The following RAB38 variants were observed in gnomAD, a reference collection of about 807,000 sequenced individuals.
RAB38 encodes the protein RAB38, member RAS oncogene family, also known as ras-related protein Rab-38.
In RAB38, 15 loss-of-function variants were observed where a neutral mutation model predicts 18.4. The observed-to-expected ratio is 0.82, with a 90% confidence interval of 0.55 to 1.26. The LOEUF (loss-of-function observed/expected upper bound fraction) is 1.26, where lower values mean the gene tolerates loss of function less well. Ranked by LOEUF, RAB38 falls within the 50% of genes most tolerant of loss-of-function variation. The pLI is 0.00. For synonymous variants in RAB38, 101 were observed against 104.4 expected (o/e 0.97, Z 0.20); for missense variants, 294 against 267.4 (o/e 1.10, Z -0.69).
the RAB38 span, among the ~76,000 whole-genome samples, chr11:87,941,758 C>T: frequency 6.6e-6 from 1 of 152,096 alleles, no homozygotes; most frequent in Non-Finnish European, 1.5e-5. Flanking sequence ...TTATCAAGAC[C>T]AACTAAAGAA....
the RAB38 span, among the ~76,000 whole-genome samples, chr11:87,890,689 A>G: frequency 0.09 from 13,748 of 151,916 alleles, 944 homozygotes; most frequent in Admixed American, 0.22. Context: ...TCCCTGAATC[A>G]TAGAGGTTCT....
At chr11:88,047,833 A>G in the RAB38 span, among the ~76,000 whole-genome samples, 23,340 of 152,040 alleles carry the variant, frequency 0.15, 2,973 homozygotes, top group African/African-American at 0.34. Flanking sequence ...GGCCACTCCC[A>G]CATACTCCCC....
intron 1 of RAB38, among the ~76,000 whole-genome samples, chr11:88,154,577 C>A (rs1943102445): frequency 6.6e-6 from 1 of 152,170 alleles, no homozygotes; most frequent in Non-Finnish European, 1.5e-5. Context: ...TTTGGAGCAC[C>A]CACTTGCCTG....
chr11:88,011,295 A>T, the RAB38 span, among the ~76,000 whole-genome samples: 1 of 152,218 alleles, frequency 6.6e-6, no homozygotes, highest in Non-Finnish European at 1.5e-5. Flanking sequence ...TGCAAGGAAC[A>T]CCACGTTGTA....
chr11:88,034,466 A>G, the RAB38 span, among the ~76,000 whole-genome samples: 1 of 152,258 alleles, frequency 6.6e-6, no homozygotes, highest in Non-Finnish European at 1.5e-5. Context: ...TACATTCCCA[A>G]CAGCAATGTT....
intron 2 of RAB38, among the ~76,000 whole-genome samples, chr11:88,134,494 C>T (rs185775600): frequency 9.2e-5 from 14 of 152,178 alleles, no homozygotes; most frequent in Admixed American, 5.2e-4. Flanking sequence ...CCCCTCACCT[C>T]GGCCTCCCAA....
chr11:87,826,059 A>G, the RAB38 span, among the ~76,000 whole-genome samples: 1 of 152,278 alleles, frequency 6.6e-6, no homozygotes, highest in African/African-American at 2.4e-5. Context: ...TGAAGTCTCT[A>G]TCCTCCATAG....
chr11:87,936,697 T>C, the RAB38 span, among the ~76,000 whole-genome samples: 4 of 152,150 alleles, frequency 2.6e-5, no homozygotes, highest in Admixed American at 1.3e-4. Flanking sequence ...AGAATAGTTT[T>C]GTCTATAACC....
chr11:87,805,935 C>A, the RAB38 span, among the ~76,000 whole-genome samples: 1 of 151,996 alleles, frequency 6.6e-6, no homozygotes, highest in African/African-American at 2.4e-5. Flanking sequence ...GGCCTCCCCA[C>A]GTTATTGGAG....
chr11:87,970,295 C>A, the RAB38 span, among the ~76,000 whole-genome samples: 1 of 152,128 alleles, frequency 6.6e-6, no homozygotes, highest in East Asian at 1.9e-4. Context: ...AAATCAGGGT[C>A]CAGCCCTGTG....
the RAB38 span, among the ~76,000 whole-genome samples, chr11:88,045,664 G>C: frequency 6.6e-6 from 1 of 152,258 alleles, no homozygotes; most frequent in South Asian, 2.1e-4. Context: ...GCTGACGATC[G>C]ACGCTGCCTG....
At chr11:88,072,807 A>G in the RAB38 span, among the ~76,000 whole-genome samples, 2 of 149,866 alleles carry the variant, frequency 1.3e-5, no homozygotes, top group South Asian at 2.1e-4. Flanking sequence ...CAAAAAGTAG[A>G]AAAAAAAAAG....
the RAB38 span, among the ~76,000 whole-genome samples, chr11:87,975,506 T>C: frequency 0.094 from 14,213 of 151,938 alleles, 894 homozygotes; most frequent in South Asian, 0.18. Context: ...GAAATGGAGA[T>C]GACTAACATG....
chr11:88,086,781 G>T, the RAB38 span, among the ~76,000 whole-genome samples: 1 of 151,970 alleles, frequency 6.6e-6, no homozygotes, highest in East Asian at 1.9e-4. Flanking sequence ...GAGTGTCTCT[G>T]GTGTTAAGTC....
At chr11:87,805,589 CCACAGAGAAAA>C in the RAB38 span, among the ~76,000 whole-genome samples, 1 of 140,342 alleles carries the variant, frequency 7.1e-6, no homozygotes, top group African/African-American at 2.7e-5. Context: ...AGTCAGGGTT[CCACAGAGAAAA>C]CACTACACAC....
At chr11:88,026,167 G>A in the RAB38 span, among the ~76,000 whole-genome samples, 2 of 151,976 alleles carry the variant, frequency 1.3e-5, no homozygotes, top group Non-Finnish European at 1.5e-5. Context: ...GTTTCACCAT[G>A]TTGGTCAGAC....
At chr11:88,150,127 T>C (rs1279437407) in intron 1 of RAB38, among the ~76,000 whole-genome samples, 172 bp from the exon 2 acceptor site, 1 of 152,244 alleles carries the variant, frequency 6.6e-6, no homozygotes, top group Non-Finnish European at 1.5e-5. Context: ...TTCTTGATTT[T>C]TGAATTCAGA....
intron 2 of RAB38, among the ~76,000 whole-genome samples, chr11:88,135,059 T>C (rs1942817063): frequency 6.6e-6 from 1 of 152,140 alleles, no homozygotes; most frequent in Non-Finnish European, 1.5e-5. Flanking sequence ...CGTGATTTTA[T>C]ATGGCTCAAT....
chr11:87,949,257 G>A, the RAB38 span, among the ~76,000 whole-genome samples: 2 of 152,018 alleles, frequency 1.3e-5, no homozygotes, highest in Non-Finnish European at 2.9e-5. Context: ...ATATTTTATT[G>A]CATCTATTTG....
Sources: allele counts gnomAD v4.1 joint callset (sites outside exome capture counted in the v4.1 genomes callset), GRCh38; gene constraint gnomAD v4.1.1; transcripts MANE v1.5; gene names NCBI Gene and HGNC (gene_info 2026-07-23, HGNC 2026-07-21).